BET1: variants seen among roughly 807,000 people sequenced by gnomAD.
BET1 encodes BET1 homolog.
Under a neutral mutation model 13.9 loss-of-function variants are expected in BET1, and 9 were observed. The observed-to-expected ratio is 0.65, with a 90% CI of 0.39 to 1.13. The LOEUF (loss-of-function observed/expected upper bound fraction) is 1.13. BET1 is among the 50% of genes most tolerant of loss of function. The probability of loss-of-function intolerance (pLI) is 0.01; values close to 1 mark genes in which losing one functional copy is unlikely to be tolerated. For synonymous variants in BET1, 39 were observed against 47.3 expected, an observed-to-expected ratio of 0.82 and a Z score of 0.72; for missense variants, 127 against 133.6, an observed-to-expected ratio of 0.95 and a Z score of 0.24.
At chr7:93,981,829 A>G (rs892172676) in intron 4 of BET1, among the ~76,000 whole-genome samples, 1 of 152,158 alleles carries the variant, frequency 6.6e-6, no homozygotes, top group Non-Finnish European at 1.5e-5. Flanking sequence ...AGTAGTGCCA[A>G]TGGGAACTGG....
downstream of BET1, among the ~76,000 whole-genome samples, chr7:93,988,861 A>G (rs2116092783): frequency 6.6e-6 from 1 of 151,136 alleles, no homozygotes. Flanking sequence ...CACTTATATT[A>G]AAACTTATTC....
intron 4 of BET1, chr7:93,976,214 G>T: frequency 1.3e-6 from 1 of 779,930 alleles, no homozygotes; most frequent in Non-Finnish European, 1.7e-6. Context: ...AACTGAGCAG[G>T]TATTCAGAGA....
chr7:93,975,881 A>T, intron 5 of BET1: 7 of 1,071,154 alleles, frequency 6.5e-6, no homozygotes, highest in South Asian at 2.1e-5. Context: ...TGAGACTATC[A>T]AATGTACTTG....
At chr7:93,999,127 AAT>A in intron 2 of BET1, 41 bp downstream of exon 2, 2 of 1,404,014 alleles carry the variant, frequency 1.4e-6, no homozygotes, top group Non-Finnish European at 1.9e-6. Flanking sequence ...TATGTATAGA[AAT>A]ATATGAATTA....
exon 7 of BET1, chr7:93,963,428 A>T (rs1562797501): frequency 6.6e-6 from 1 of 151,482 alleles, no homozygotes; most frequent in African/African-American, 2.4e-5. Context: ...TCTAGTAGTC[A>T]TTTTTTTTCA....
At chr7:93,963,500 A>T (rs1795130062) in exon 7 of BET1, 1 of 152,022 alleles carries the variant, frequency 6.6e-6, no homozygotes, top group African/African-American at 2.4e-5. Flanking sequence ...TCTCCACTCA[A>T]AGTTAAGTCT....
intron 4 of BET1, among the ~76,000 whole-genome samples, chr7:93,983,841 T>A (rs1377060864): frequency 2.0e-5 from 3 of 152,176 alleles, no homozygotes; most frequent in Admixed American, 2.0e-4. Context: ...GCATTGGCAA[T>A]AGCTGGCACT....
At chr7:93,976,324 A>T (rs1394748337) in intron 4 of BET1, among the ~76,000 whole-genome samples, 1 of 149,120 alleles carries the variant, frequency 6.7e-6, no homozygotes, top group Non-Finnish European at 1.5e-5. Flanking sequence ...CACAGGATAC[A>T]TTTTAAAGAT....
intron 4 of BET1, among the ~76,000 whole-genome samples, chr7:93,976,523 G>A (rs1235676322): frequency 6.6e-6 from 1 of 152,008 alleles, no homozygotes; most frequent in Non-Finnish European, 1.5e-5. Context: ...AACGCCGGCA[G>A]GATCTCTGAA....
chr7:93,969,059 G>A (rs1237572890), intron 6 of BET1, among the ~76,000 whole-genome samples: 18 of 151,832 alleles, frequency 1.2e-4, no homozygotes, highest in Admixed American at 1.1e-3. Flanking sequence ...TCTAATTGGT[G>A]TGATAGCAAA....
At chr7:93,966,978 G>A (rs576399044) in intron 6 of BET1, among the ~76,000 whole-genome samples, 1 of 151,750 alleles carries the variant, frequency 6.6e-6, no homozygotes, top group Non-Finnish European at 1.5e-5. Flanking sequence ...CATTGTAAGG[G>A]TAATATATAC....
chr7:94,002,826 C>T (rs1795940276), intron 1 of BET1, among the ~76,000 whole-genome samples: 1 of 152,102 alleles, frequency 6.6e-6, no homozygotes, highest in Admixed American at 6.6e-5. Flanking sequence ...GAACTCACTT[C>T]CCCCACTCTC....
chr7:93,979,997 C>T (rs1424934471), intron 4 of BET1, among the ~76,000 whole-genome samples: 1 of 151,968 alleles, frequency 6.6e-6, no homozygotes, highest in African/African-American at 2.4e-5. Context: ...AAGAGTTGGG[C>T]CATGTGAGCA....
intron 2 of BET1, 98 bp downstream of exon 2, chr7:93,999,072 G>C (rs781395039): frequency 1.8e-5 from 17 of 957,590 alleles, no homozygotes; most frequent in Non-Finnish European, 2.4e-5. Context: ...CTGAGTAAAT[G>C]AATTCCTTAG....
chr7:93,993,159 A>T (rs1795675528), downstream of BET1: 7 of 985,010 alleles, frequency 7.1e-6, no homozygotes, highest in Non-Finnish European at 8.4e-6. Context: ...ACAAATATTA[A>T]CTTTGCTTGA....
chr7:93,977,007 T>TATGGGATGGA (rs1418769281), intron 4 of BET1, among the ~76,000 whole-genome samples: 2 of 152,176 alleles, frequency 1.3e-5, no homozygotes, highest in Non-Finnish European at 2.9e-5. Flanking sequence ...TGCCCTTATT[T>TATGGGATGGA]TGTTCCCTTT....
exon 7 of BET1, chr7:93,964,088 A>AAAAT (rs1187051968): frequency 1.3e-5 from 2 of 152,048 alleles, no homozygotes; most frequent in African/African-American, 2.4e-5. Flanking sequence ...AATAAAAATA[A>AAAAT]AAATAAATAA....
intron 6 of BET1, among the ~76,000 whole-genome samples, chr7:93,971,099 C>T (rs545786961): frequency 6.6e-6 from 1 of 151,840 alleles, no homozygotes; most frequent in East Asian, 1.9e-4. Context: ...TATATTAAAA[C>T]AACTTCTACT....
rs552335804 is a variant in BET1 at position 93,963,646 on chromosome 7, G to A, written c.*2179C>T. The A allele has an allele frequency of 9.9e-5, 15 of 152,028 alleles. No individual in the cohort carries two copies. The East Asian group carries it at 2.7e-3, about 28-fold the overall frequency. 9.4% of individuals were successfully genotyped at this position (152,028 alleles called of 1,614,324 possible). Reference sequence around the variant, plus strand: ...TTTAAGTTGTCTTCAATTTGTTAAAGATATTTTTGTTCATTTAAGTTCCCG... The same window carrying A: ...TTTAAGTTGTCTTCAATTTGTTAAAAATATTTTTGTTCATTTAAGTTCCCG... On this transcript the variant is annotated 3_prime_UTR_variant and NMD_transcript_variant, in exon 7 of 7. Transcript: ENST00000357520.
Sources: allele counts gnomAD v4.1 joint callset (sites outside exome capture counted in the v4.1 genomes callset), GRCh38; gene constraint gnomAD v4.1.1; transcripts MANE v1.5; gene names NCBI Gene and HGNC (gene_info 2026-07-23, HGNC 2026-07-21).